ENTPD5: variants seen among roughly 807,000 people sequenced by gnomAD.
The protein encoded by ENTPD5 is ectonucleoside triphosphate diphosphohydrolase 5 (inactive).
A neutral mutation model predicts 60.2 loss-of-function variants in ENTPD5; 49 were observed. The ratio of observed to expected loss-of-function variants is 0.81; its 90% CI spans 0.65 to 1.03. The LOEUF is 1.03. ENTPD5 is among the 50% of genes least tolerant of loss of function. The pLI is 0.00. For synonymous variants in ENTPD5, 187 were observed against 185.4 expected (o/e 1.01, Z -0.07); for missense variants, 480 against 507.6 (o/e 0.95, Z 0.52).
intron 8 of ENTPD5, 67 bp from the exon 9 acceptor site, chr14:73,976,479 C>A: frequency 2.4e-6 from 3 of 1,266,462 alleles, no homozygotes; most frequent in Non-Finnish European, 3.5e-6. Context: ...GTCTCTCTTG[C>A]TCTTATCATA....
At chr14:74,008,136 A>C (rs2058737537) in intron 3 of ENTPD5, among the ~76,000 whole-genome samples, 1 of 151,782 alleles carries the variant, frequency 6.6e-6, no homozygotes, top group Admixed American at 6.6e-5. Flanking sequence ...CCCCAGACAA[A>C]GAAAAAAAAA....
downstream of ENTPD5, chr14:73,956,044 G>T: frequency 4.0e-6 from 6 of 1,493,622 alleles, no homozygotes; most frequent in Non-Finnish European, 5.5e-6. Context: ...TCCTCTGATG[G>T]CCGGGTGCGG....
At chr14:73,961,489 C>G (rs551734017), downstream of ENTPD5, 9 of 1,614,202 alleles carry the variant, frequency 5.6e-6, no homozygotes, top group East Asian at 1.8e-4. Flanking sequence ...GCTTGCAGGA[C>G]AGGGTGTCAA....
rs2057379485 is a variant in ENTPD5 at position 73,974,968 on chromosome 14, A to G, written c.740T>C (p.Leu247Ser). 3 of 1,613,492 alleles carry G rather than the reference A, an allele frequency of 1.9e-6. No individual in the cohort carries two copies. The highest frequency in any genetic ancestry group is 2.5e-6 in the Non-Finnish European group (3 of 1,179,606). Reference protein sequence around the residue: ...LYTHSYLGFGLKAARLATLGA... With the variant: ...LYTHSYLGFGSKAARLATLGA... Reference sequence around the variant, plus strand: ...CAGGGTTGCTAGTCTTGCAGCTTTCAATCCAAATCCCAGGTAACTGTAAAA... The same window carrying G: ...CAGGGTTGCTAGTCTTGCAGCTTTCGATCCAAATCCCAGGTAACTGTAAAA... The change falls in exon 11 of 16, where the codon TTG becomes TCG. Residue 247 changes from leucine to serine, a missense_variant. Leu to Ser is a moderately radical substitution (Grantham distance 145). Transcript: ENST00000334696.
In ENTPD5 at chr14:73,964,453, G is replaced by A. The variant is rs1003647310; in HGVS notation, c.*2475C>T. ...TAATCAAGGTTAACAAAATAGGTAAGTTCGTGGAGTTAGAATGCATCTTCC... is the reference window on the plus strand; with the variant it reads ...TAATCAAGGTTAACAAAATAGGTAAATTCGTGGAGTTAGAATGCATCTTCC... On this transcript the variant is annotated 3_prime_UTR_variant, in exon 16 of 16. Coordinates refer to ENST00000334696, the MANE Select transcript of ENTPD5 (RefSeq NM_001249.5). 6.6e-6 allele frequency: 1 copy of A among 152,222 alleles called. No homozygotes were observed. The highest frequency in any genetic ancestry group is 6.5e-5 in the Admixed American group (1 of 15,286). The allele number at this position is 152,222 out of a possible 1,614,324, so 9.4% of individuals were successfully genotyped here.
downstream of ENTPD5, among the ~76,000 whole-genome samples, chr14:73,957,699 G>C (rs531822443): frequency 1.3e-5 from 2 of 152,250 alleles, no homozygotes; most frequent in South Asian, 4.1e-4. Flanking sequence ...CTAAGTTCTA[G>C]GATTACGAGC....
intron 2 of ENTPD5, among the ~76,000 whole-genome samples, chr14:74,014,704 G>A (rs1249834425): frequency 6.6e-6 from 1 of 152,200 alleles, no homozygotes; most frequent in Non-Finnish European, 1.5e-5. Context: ...CTGCAGAGAT[G>A]TGAACTAGTC....
intron 14 of ENTPD5, among the ~76,000 whole-genome samples, chr14:73,971,544 G>T (rs778365475): frequency 1.3e-5 from 2 of 152,160 alleles, no homozygotes; most frequent in Non-Finnish European, 2.9e-5. Flanking sequence ...AGAGACAGAG[G>T]TCTCACTATG....
intron 3 of ENTPD5, among the ~76,000 whole-genome samples, chr14:74,009,363 G>A (rs1050703112): frequency 1.3e-5 from 2 of 152,274 alleles, no homozygotes; most frequent in East Asian, 1.9e-4. Context: ...ACTGGGCACC[G>A]TTTATATTGG....
rs371841301 is a variant in ENTPD5 at position 73,971,776 on chromosome 14, T to C, written c.1084+76A>G. ...AGGCCTTCTGAGCTGACTGAGGTGCTTTAGGTCACTTTAGGTCACTAGAGT... is the reference window on the plus strand; with the variant it reads ...AGGCCTTCTGAGCTGACTGAGGTGCCTTAGGTCACTTTAGGTCACTAGAGT... On this transcript the variant is annotated intron_variant, in intron 14 of 15. Transcript: ENST00000334696. The C allele has an allele frequency of 3.5e-5, 33 of 943,750 alleles. No individual in the cohort carries two copies. In the East Asian group the frequency reaches 6.0e-4, roughly 17 times the overall value. The allele number at this position is 943,750 out of a possible 1,614,324, so 58.5% of individuals were successfully genotyped here. A position where few individuals can be genotyped will look rare whatever the true frequency, so the allele number is the denominator to read the frequency against.
rs771787527 is a variant in ENTPD5, at chr14:73,977,011, G to C, written c.553+13C>G. 6.2e-7 allele frequency: 1 copy of C among 1,606,372 alleles called. No homozygotes were observed. Among genetic ancestry groups the C allele is most frequent in the South Asian group, 1.1e-5 (1 of 90,566 alleles). On this transcript the variant is annotated intron_variant, in intron 8 of 15. Coordinates refer to ENST00000334696, the MANE Select transcript of ENTPD5 (RefSeq NM_001249.5). ...CTAGTTAAGCTCTAAAGATAAACTTGAGGATGTATTACCTGTCAGAAAATT... is the reference window on the plus strand; with the variant it reads ...CTAGTTAAGCTCTAAAGATAAACTTCAGGATGTATTACCTGTCAGAAAATT...
At chr14:73,956,161 A>G (rs1027559163), downstream of ENTPD5, 4 of 438,904 alleles carry the variant, frequency 9.1e-6, no homozygotes, top group African/African-American at 6.1e-5. Flanking sequence ...TGTCTCTACT[A>G]AAAATACAAA....
chr14:73,969,822 C>T (rs2057143746), intron 15 of ENTPD5, among the ~76,000 whole-genome samples, 188 bp downstream of exon 15: 1 of 152,200 alleles, frequency 6.6e-6, no homozygotes, highest in Non-Finnish European at 1.5e-5. Flanking sequence ...GTAATACACT[C>T]GGAGGCTACC....
intron 6 of ENTPD5, among the ~76,000 whole-genome samples, chr14:73,979,975 T>C (rs1369162921): frequency 6.7e-6 from 1 of 148,400 alleles, no homozygotes; most frequent in East Asian, 2.0e-4. Context: ...AGACAGAGTT[T>C]CACTCTTGTC....
rs1424379489 is a variant in ENTPD5 at position 73,996,090 on chromosome 14, C to T, written c.-70-7918G>A. The T allele has an allele frequency of 1.4e-5, 13 of 955,796 alleles. No homozygotes were observed. In the Admixed American group the frequency reaches 2.5e-4, roughly 18 times the overall value. The allele number at this position is 955,796 out of a possible 1,614,324, so 59.2% of individuals were successfully genotyped here. On this transcript the variant is annotated intron_variant, in intron 3 of 15. Coordinates refer to ENST00000334696, the MANE Select transcript of ENTPD5 (RefSeq NM_001249.5). ...AGACCACAATCCCAGAGGACCTGGG[C>T]CCCATTCATGTGCTCACCTGCTTGT...
At chr14:74,015,601 C>T (rs971358238) in intron 2 of ENTPD5, among the ~76,000 whole-genome samples, 4 of 151,998 alleles carry the variant, frequency 2.6e-5, no homozygotes, top group East Asian at 1.9e-4. Context: ...AATCCGTCTG[C>T]CTTGGCCTCC....
At chr14:74,004,765 A>G (rs552371691) in intron 3 of ENTPD5, among the ~76,000 whole-genome samples, 9 of 152,276 alleles carry the variant, frequency 5.9e-5, no homozygotes, top group African/African-American at 1.9e-4. Flanking sequence ...GCAGGGCAGA[A>G]GCAGTAATGT....
chr14:73,983,626 A>C (rs2057781872), intron 5 of ENTPD5, among the ~76,000 whole-genome samples: 1 of 150,112 alleles, frequency 6.7e-6, no homozygotes, highest in Admixed American at 6.6e-5. Flanking sequence ...TCCATCTCAA[A>C]AAAAAAAAAA....
At chr14:74,000,343 G>A (rs2058469717) in intron 3 of ENTPD5, among the ~76,000 whole-genome samples, 1 of 151,900 alleles carries the variant, frequency 6.6e-6, no homozygotes, top group African/African-American at 2.4e-5. Context: ...TGTAGTCCCA[G>A]CTATTTGGGA....
Sources: gnomAD v4.1 joint callset for allele counts (sites outside exome capture counted in the v4.1 genomes callset) on GRCh38, gnomAD v4.1.1 for gene constraint, MANE v1.5 for transcripts, NCBI Gene and HGNC (gene_info 2026-07-23, HGNC 2026-07-21) for gene names.